Variants in CHRDL2 observed in about 807,000 individuals in gnomAD.
CHRDL2 encodes the protein chordin-like protein 2.
In CHRDL2, 41 loss-of-function variants were observed where a neutral mutation model predicts 54.3. The ratio of observed to expected loss-of-function variants is 0.76; its 90% confidence interval spans 0.59 to 0.98. The LOEUF (loss-of-function observed/expected upper bound fraction) is 0.98. Among genes scored for constraint, CHRDL2 ranks in the 50% least tolerant of loss-of-function variants. The pLI, the probability that CHRDL2 is intolerant of heterozygous loss-of-function variation, is 0.00. For synonymous variants in CHRDL2, 220 were observed against 224.3 expected (o/e 0.98, Z 0.17); for missense variants, 518 against 562.4 (o/e 0.92, Z 0.80).
At chr11:74,716,036 G>A (rs931666915) in intron 2 of CHRDL2, among the ~76,000 whole-genome samples, 34 of 152,118 alleles carry the variant, frequency 2.2e-4, no homozygotes, top group African/African-American at 8.2e-4. Context: ...ATTAATAGGG[G>A]TAGACTGTTA....
At chr11:74,702,446 G>GT (rs2033849166) in intron 9 of CHRDL2, among the ~76,000 whole-genome samples, 1 of 152,142 alleles carries the variant, frequency 6.6e-6, no homozygotes, top group South Asian at 2.1e-4. Flanking sequence ...TGAGGATGCT[G>GT]TGAGGGCCCT....
At chr11:74,723,100 C>A (rs2034522278) in intron 1 of CHRDL2, among the ~76,000 whole-genome samples, 1 of 152,104 alleles carries the variant, frequency 6.6e-6, no homozygotes, top group Admixed American at 6.6e-5. Context: ...GTTTTGAGAT[C>A]ATGCTGGACC....
At chr11:74,719,061 CTG>C in intron 1 of CHRDL2, 2 of 524,634 alleles carry the variant, frequency 3.8e-6, no homozygotes, top group Non-Finnish European at 6.8e-6. Flanking sequence ...GCCACTGTCT[CTG>C]AGCCTTAACG....
chr11:74,725,742 G>A (rs2034562922), intron 1 of CHRDL2, among the ~76,000 whole-genome samples: 1 of 152,182 alleles, frequency 6.6e-6, no homozygotes, highest in Non-Finnish European at 1.5e-5. Context: ...AAGGGCATCA[G>A]GAGGGGCCGG....
rs987556291 is a variant in CHRDL2, at chr11:74,714,669, A to G, written c.196-1190T>C. Among the ~76,000 whole-genome samples, 25 of 152,358 alleles carry G rather than the reference A, an allele frequency of 1.6e-4. 1 individual carries two copies. Among genetic ancestry groups the G allele is most frequent in the East Asian group, 1.9e-4 (1 of 5,184 alleles). ...CTAATAGGGGCCTTCTAGAGGCCCA[A>G]CGCACATGGGTGCTTAATAAATGTC... On this transcript the variant is annotated intron_variant, in intron 2 of 10. Coordinates refer to ENST00000376332, the MANE Select transcript of CHRDL2 (RefSeq NM_001278473.3).
chr11:74,706,181 C>T (rs2034003519), intron 6 of CHRDL2, among the ~76,000 whole-genome samples: 1 of 152,116 alleles, frequency 6.6e-6, no homozygotes, highest in Non-Finnish European at 1.5e-5. Flanking sequence ...TAAGGGGAGA[C>T]ACAGGCTGTA....
chr11:74,697,423 C>G (rs2033637753), intron 9 of CHRDL2, 126 bp from the exon 10 acceptor site: 1 of 673,274 alleles, frequency 1.5e-6, no homozygotes, highest in East Asian at 2.5e-5. Flanking sequence ...TGATCAGACA[C>G]AAAATCCTGC....
Position 74,697,305 on chromosome 11 carries a change from C to CAG in CHRDL2, c.1121-10_1121-9dup, listed in dbSNP as rs1240603343. The CAG allele has an allele frequency of 6.2e-7, 1 of 1,611,378 alleles. No homozygotes were observed. The highest frequency in any genetic ancestry group is 1.7e-5 in the Admixed American group (1 of 60,020). On this transcript the variant is annotated splice_polypyrimidine_tract_variant and intron_variant, in intron 9 of 10. Transcript: ENST00000376332. ...GAGTCAAGTGGAAGATTCCTGAGGG[C>CAG]AGAGACAAGGATGTGAGCAGGCAAG...
At chr11:74,706,587 C>A in intron 5 of CHRDL2, 45 bp from the exon 6 acceptor site, 1 of 1,602,354 alleles carries the variant, frequency 6.2e-7, no homozygotes, top group Non-Finnish European at 8.6e-7. Flanking sequence ...GCTCCCCAGC[C>A]TTGCTGGCTA....
At chr11:74,703,148 C>T (rs1043677479) in intron 8 of CHRDL2, among the ~76,000 whole-genome samples, 157 bp downstream of exon 8, 1 of 152,208 alleles carries the variant, frequency 6.6e-6, no homozygotes, top group Non-Finnish European at 1.5e-5. Context: ...TTTCATCTGA[C>T]ATTTTCCACT....
rs933479366 is a variant in CHRDL2, at chr11:74,701,454, CCT to C, written c.1120+1338_1120+1339del. The C allele has an allele frequency of 1.4e-5, 8 of 580,956 alleles. No individual in the cohort carries two copies. The Middle Eastern group carries it at 7.9e-4, about 57-fold the overall frequency. 36.0% of individuals were successfully genotyped at this position (580,956 alleles called of 1,614,324 possible). A position where few individuals can be genotyped will look rare whatever the true frequency, so the allele number is the denominator to read the frequency against. ...GCCACGAAGCCAGCAGTCCTGTCCC[CCT>C]GAGTCTTCTCTTCTCCAGGCTGAAC... On this transcript the variant is annotated intron_variant, in intron 9 of 10. Coordinates refer to ENST00000376332, the MANE Select transcript of CHRDL2 (RefSeq NM_001278473.3).
chr11:74,727,063 G>A (rs372272416), intron 1 of CHRDL2, among the ~76,000 whole-genome samples: 2 of 152,170 alleles, frequency 1.3e-5, no homozygotes, highest in Non-Finnish European at 2.9e-5. Flanking sequence ...GAGTGGACTC[G>A]GAATCAAGGC....
In CHRDL2 at chr11:74,724,469, A is replaced by G. The variant is rs567320925; in HGVS notation, c.83-5637T>C. Among the ~76,000 whole-genome samples the G allele has an allele frequency of 7.9e-5, 12 of 152,358 alleles. No individual in the cohort carries two copies. The East Asian group carries it at 2.3e-3, about 29-fold the overall frequency. On this transcript the variant is annotated intron_variant, in intron 1 of 10. Coordinates refer to ENST00000376332, the MANE Select transcript of CHRDL2 (RefSeq NM_001278473.3). Reference sequence around the variant, plus strand: ...AATGTCACTGTGTCATCCCCAGCCTATCATGAGGTGGCTCCTGCCTGCTTT... The same window carrying G: ...AATGTCACTGTGTCATCCCCAGCCTGTCATGAGGTGGCTCCTGCCTGCTTT...
chr11:74,716,781 A>C (rs1361786940), intron 2 of CHRDL2, among the ~76,000 whole-genome samples: 1 of 151,578 alleles, frequency 6.6e-6, no homozygotes, highest in Non-Finnish European at 1.5e-5. Context: ...GAATGACATG[A>C]TCAGTTTCAT....
Position 74,718,745 on chromosome 11 carries a change from T to A in CHRDL2, c.170A>T (p.Tyr57Phe). 1 of 1,613,370 alleles carries A rather than the reference T, an allele frequency of 6.2e-7. No individual in the cohort carries two copies. The highest frequency in any genetic ancestry group is 1.1e-5 in the South Asian group (1 of 90,908). The change falls in exon 2 of 11, where the codon TAC becomes TTC. Residue 57 changes from tyrosine to phenylalanine, a missense_variant. Coordinates refer to ENST00000376332, the MANE Select transcript of CHRDL2 (RefSeq NM_001278473.3). ...HPYLEPQGLM[Y>F]CLRCTCSEGA... is the part of the protein sequence containing the mutation. ...CTCTGAGCAGGTACAGCGCAGGCAG[T>A]ACATCAGGCCTTGTGGCTCCAAGTA...
intron 1 of CHRDL2, among the ~76,000 whole-genome samples, chr11:74,728,746 T>C (rs1565161024): frequency 6.6e-6 from 1 of 152,210 alleles, no homozygotes; most frequent in East Asian, 1.9e-4. Flanking sequence ...CTTCTGGGCT[T>C]CAATTTAACT....
At chr11:74,725,609 G>GT (rs200900974) in intron 1 of CHRDL2, among the ~76,000 whole-genome samples, 7,237 of 152,266 alleles carry the variant, frequency 0.048, 262 homozygotes, top group South Asian at 0.11. Flanking sequence ...GTGATAAAAG[G>GT]TTTTTTTATG....
At chr11:74,701,659 GATA>G (rs752720376) in intron 9 of CHRDL2, 7 of 713,052 alleles carry the variant, frequency 9.8e-6, no homozygotes, top group Admixed American at 6.0e-5. Context: ...GTAAAATGGG[GATA>G]ATAATATCTA....
At chr11:74,729,469 C>T (rs1364055566) in intron 1 of CHRDL2, among the ~76,000 whole-genome samples, 2 of 152,178 alleles carry the variant, frequency 1.3e-5, no homozygotes, top group African/African-American at 4.8e-5. Context: ...CTCTAAGGGG[C>T]ACGGCCAGGA....
Sources: allele counts gnomAD v4.1 joint callset (sites outside exome capture counted in the v4.1 genomes callset), GRCh38; gene constraint gnomAD v4.1.1; transcripts MANE v1.5; gene names NCBI Gene and HGNC (gene_info 2026-07-23, HGNC 2026-07-21).